The following CWC15 variants were observed in gnomAD, a reference collection of about 807,000 sequenced individuals.
CWC15 encodes CWC15 spliceosome associated protein.
CWC15 carries 12 observed loss-of-function variants against 28.4 expected under a neutral mutation model. The observed-to-expected ratio is 0.42, with a 90% CI of 0.27 to 0.69. CWC15 has a LOEUF of 0.69. Among genes scored for constraint, CWC15 ranks in the 30% least tolerant of loss-of-function variants. The pLI is 0.23. For missense variants in CWC15, 192 were observed against 271.5 expected (o/e 0.71, Z 2.06); for synonymous variants, 92 against 88.4 (o/e 1.04, Z -0.23).
rs1857586522 is a variant in CWC15, at chr11:94,962,817, C to T, written c.*568G>A. 2 of 152,150 alleles carry T rather than the reference C, an allele frequency of 1.3e-5. No individual in the cohort carries two copies. The highest frequency in any genetic ancestry group is 2.1e-4 in the South Asian group (1 of 4,824). 9.4% of individuals were successfully genotyped at this position (152,150 alleles called of 1,614,324 possible). Reference sequence around the variant, plus strand: ...CGGCCATGAGAAAAAAAAACAAGTACCTGCAGAAGTGAGCGATACCCAATG... The same window carrying T: ...CGGCCATGAGAAAAAAAAACAAGTATCTGCAGAAGTGAGCGATACCCAATG... On this transcript the variant is annotated 3_prime_UTR_variant, in exon 7 of 7. Transcript: ENST00000279839.
intron 1 of CWC15, 144 bp from the exon 2 acceptor site, chr11:94,972,337 G>A (rs911767670): frequency 7.7e-6 from 6 of 777,650 alleles, no homozygotes; most frequent in Non-Finnish European, 1.2e-5. Flanking sequence ...AAGTTTTCAA[G>A]AAAACAAATT....
At position 94,971,256 on chromosome 11, in the gene CWC15, G is replaced by C. The variant is rs1317323668; in HGVS notation, c.244+119C>G. The C allele has an allele frequency of 3.1e-6, 3 of 970,214 alleles. No individual in the cohort carries two copies. The East Asian group carries it at 7.7e-5, about 25-fold the overall frequency. The allele number at this position is 970,214 out of a possible 1,614,324, so 60.1% of individuals were successfully genotyped here. ...TTATCTCTAATGACCTAAGAAAGTA[G>C]TACAGCTCACATCAATCTGTAAAAG... On this transcript the variant is annotated intron_variant, in intron 3 of 6. Coordinates refer to ENST00000279839, the MANE Select transcript of CWC15 (RefSeq NM_016403.4).
Position 94,963,324 on chromosome 11 carries a change from T to A in CWC15, c.*61A>T. 1 of 1,341,540 alleles carries A rather than the reference T, an allele frequency of 7.5e-7. No individual in the cohort carries two copies. The allele number at this position is 1,341,540 out of a possible 1,614,324, so 83.1% of individuals were successfully genotyped here. A position where few individuals can be genotyped will look rare whatever the true frequency, so the allele number is the denominator to read the frequency against. On this transcript the variant is annotated 3_prime_UTR_variant, in exon 7 of 7. Transcript: ENST00000279839. Reference sequence around the variant, plus strand: ...CAGGGGAAAAGAAAAAAAAAACTCATAAAAAAAGTCAGAATGATCCTTTAC... The same window carrying A: ...CAGGGGAAAAGAAAAAAAAAACTCAAAAAAAAAGTCAGAATGATCCTTTAC...
rs1365687276 is a variant in CWC15 at position 94,963,385 on chromosome 11, C to T, written c.690G>A (p.Ter230=). Residue 230 remains the stop codon, a stop_retained_variant, in exon 7 of 7, where the codon TAG becomes TAA. Transcript: ENST00000279839. ...CTTTAATTAAGCACATAAAACTGTA[C>T]TATTTAATATATTTCTCCATGAACT... The part of the protein sequence containing the change: ...HKKFMEKYIK[*] 1 of 1,573,350 alleles carries T rather than the reference C, an allele frequency of 6.4e-7. No homozygotes were observed.
chr11:94,971,427 T>C lies in CWC15; in HGVS notation c.192A>G (p.Glu64=). Residue 64 remains glutamate, a synonymous_variant, in exon 3 of 7, where the codon GAA becomes GAG. Coordinates refer to ENST00000279839, the MANE Select transcript of CWC15 (RefSeq NM_016403.4). ...CTCTTGCAGCAGCTCTCTCTCTTTC[T>C]TCCAACTCTCTCCTGAAGTCACGGT... ...VRNRDFRREL[E]ERERAAAREK... is the part of the protein sequence containing the mutation. 8.1e-6 allele frequency: 13 copies of C among 1,613,166 alleles called. No individual in the cohort carries two copies. The highest frequency in any genetic ancestry group is 1.1e-5 in the Non-Finnish European group (13 of 1,179,530).
chr11:94,971,262 C>A, intron 3 of CWC15, 113 bp downstream of exon 3: 1 of 986,606 alleles, frequency 1.0e-6, no homozygotes, highest in Non-Finnish European at 1.6e-6. Context: ...AGTAGTACAG[C>A]TCACATCAAT....
Position 94,971,048 on chromosome 11 carries a change from A to G in CWC15, c.262T>C (p.Ser88Pro). ...TCTAACCGTGGCTTTTTTGACACTG[A>G]AGAGGAGGTTGTATGTTCTGGGGGG... is the stretch of plus-strand genomic sequence containing the variant. ...RPTREHTTSS[S>P]VSKKPRLDQI... Residue 88 changes from serine to proline, a missense_variant, in exon 4 of 7, where the codon TCA becomes CCA. Coordinates refer to ENST00000279839, the MANE Select transcript of CWC15 (RefSeq NM_016403.4). 6.2e-7 allele frequency: 1 copy of G among 1,613,672 alleles called. No homozygotes were observed. Among genetic ancestry groups the G allele is most frequent in the Non-Finnish European group, 8.5e-7 (1 of 1,179,586 alleles).
intron 5 of CWC15, 81 bp from the exon 6 acceptor site, chr11:94,966,494 AAAAC>A (rs1299082284): frequency 3.3e-5 from 27 of 817,676 alleles, no homozygotes; most frequent in Non-Finnish European, 3.5e-5. Flanking sequence ...ACTGAAAAAA[AAAAC>A]AAAACTGATC....
Position 94,962,765 on chromosome 11 carries a change from A to T in CWC15, c.*620T>A, listed in dbSNP as rs1246659860. On this transcript the variant is annotated 3_prime_UTR_variant, in exon 7 of 7. Transcript: ENST00000279839. Reference sequence around the variant, plus strand: ...ACACAAGTGAGTACCGTATACTTTAAAAGAATGCTTACAGAGCTCTCCTCT... The same window carrying T: ...ACACAAGTGAGTACCGTATACTTTATAAGAATGCTTACAGAGCTCTCCTCT... The T allele has an allele frequency of 6.6e-6, 1 of 152,258 alleles. No homozygotes were observed. Among genetic ancestry groups the T allele is most frequent in the Admixed American group, 6.5e-5 (1 of 15,282 alleles). 9.4% of individuals were successfully genotyped at this position (152,258 alleles called of 1,614,324 possible). A position where few individuals can be genotyped will look rare whatever the true frequency, so the allele number is the denominator to read the frequency against.
At chr11:94,965,343 T>G (rs781820387) in intron 6 of CWC15, among the ~76,000 whole-genome samples, 1 of 152,248 alleles carries the variant, frequency 6.6e-6, no homozygotes, top group Non-Finnish European at 1.5e-5. Flanking sequence ...GCATTTCCTG[T>G]AAGCTTTTCT....
chr11:94,971,154 C>A (rs996531765), intron 3 of CWC15, 89 bp from the exon 4 acceptor site: 7 of 1,181,564 alleles, frequency 5.9e-6, no homozygotes, highest in Non-Finnish European at 7.6e-6. Flanking sequence ...AAGGAGCCCA[C>A]ATTAAAAGCA....
At chr11:94,972,722 G>A (rs183099322) in intron 1 of CWC15, among the ~76,000 whole-genome samples, 3 of 152,252 alleles carry the variant, frequency 2.0e-5, no homozygotes, top group African/African-American at 7.2e-5. Context: ...GTTACTAAAT[G>A]TCCCAGAGAA....
chr11:94,970,967 C>T lies in CWC15; in HGVS notation c.333+10G>A. The stretch of plus-strand genomic sequence containing the variant: ...AATTATTAGAGATGAAAGGAGGAAA[C>T]AAAACATACATCTGTTAGAGGGTCA... On this transcript the variant is annotated intron_variant, in intron 4 of 6. Coordinates refer to ENST00000279839, the MANE Select transcript of CWC15 (RefSeq NM_016403.4). The T allele has an allele frequency of 3.7e-6, 6 of 1,601,966 alleles. No homozygotes were observed. Among genetic ancestry groups the T allele is most frequent in the Non-Finnish European group, 5.1e-6 (6 of 1,169,086 alleles).
At chr11:94,967,778 G>T (rs1857666108) in intron 5 of CWC15, among the ~76,000 whole-genome samples, 1 of 152,128 alleles carries the variant, frequency 6.6e-6, no homozygotes, top group Non-Finnish European at 1.5e-5. Context: ...TCACTGGTCA[G>T]AACTTAAATC....
chr11:94,972,591 T>C (rs1555096387), intron 1 of CWC15, among the ~76,000 whole-genome samples: 5 of 152,280 alleles, frequency 3.3e-5, no homozygotes, highest in Admixed American at 3.3e-4. Flanking sequence ...TTTTAAAAAT[T>C]TCCAACTCAA....
At chr11:94,968,072 T>C (rs1345154195) in intron 5 of CWC15, among the ~76,000 whole-genome samples, 3 of 152,204 alleles carry the variant, frequency 2.0e-5, no homozygotes, top group Non-Finnish European at 2.9e-5. Context: ...GCATACTATG[T>C]TTCATAATAT....
At chr11:94,972,021 T>C (rs1355320649) in intron 2 of CWC15, 34 bp downstream of exon 2, 12 of 1,590,650 alleles carry the variant, frequency 7.5e-6, no homozygotes, top group Non-Finnish European at 7.7e-6. Context: ...TCTGGTCTTG[T>C]TTTGTGAACA....
chr11:94,963,328 A>G lies in CWC15; in HGVS notation c.*57T>C. The G allele has an allele frequency of 7.1e-7, 1 of 1,401,198 alleles. No homozygotes were observed. The highest frequency in any genetic ancestry group is 9.4e-7 in the Non-Finnish European group (1 of 1,061,738). The allele number at this position is 1,401,198 out of a possible 1,614,324, so 86.8% of individuals were successfully genotyped here. On this transcript the variant is annotated 3_prime_UTR_variant, in exon 7 of 7. Coordinates refer to ENST00000279839, the MANE Select transcript of CWC15 (RefSeq NM_016403.4). ...GGAAAAGAAAAAAAAAACTCATAAA[A>G]AAAGTCAGAATGATCCTTTACGTTT...
intron 5 of CWC15, among the ~76,000 whole-genome samples, chr11:94,969,529 TC>T (rs1857689451): frequency 6.6e-6 from 1 of 152,092 alleles, no homozygotes; most frequent in Non-Finnish European, 1.5e-5. Context: ...TTATATTTTT[TC>T]CTCATATTGT....
Sources: allele counts gnomAD v4.1 joint callset (sites outside exome capture counted in the v4.1 genomes callset), GRCh38; gene constraint gnomAD v4.1.1; transcripts MANE v1.5; gene names NCBI Gene and HGNC (gene_info 2026-07-23, HGNC 2026-07-21).